C2orf76: variants seen among roughly 807,000 people sequenced by gnomAD.
C2orf76 encodes the protein chromosome 2 open reading frame 76.
A neutral mutation model predicts 16.9 loss-of-function variants in C2orf76; 23 were observed. That is an observed-to-expected ratio of 1.36 (90% CI 0.98 to 1.93). The LOEUF (loss-of-function observed/expected upper bound fraction) is 1.93, where lower values mean the gene tolerates loss of function less well. C2orf76 is among the 30% of genes most tolerant of loss of function. The probability of loss-of-function intolerance (pLI) is 0.00; values close to 1 mark genes in which losing one functional copy is unlikely to be tolerated. For missense variants in C2orf76, 152 were observed against 152.6 expected, an observed-to-expected ratio of 1.00 and a Z score of 0.02; for synonymous variants, 48 against 52.3, an observed-to-expected ratio of 0.92 and a Z score of 0.35.
At chr2:119,325,090 C>T (rs765120646) in intron 2 of C2orf76, among the ~76,000 whole-genome samples, 6 of 152,022 alleles carry the variant, frequency 3.9e-5, no homozygotes, top group Non-Finnish European at 8.8e-5. Flanking sequence ...AATCCCAGCA[C>T]TTTGGGAGTT....
At chr2:119,334,843 T>C (rs754729822) in intron 2 of C2orf76, among the ~76,000 whole-genome samples, 6 of 152,136 alleles carry the variant, frequency 3.9e-5, no homozygotes, top group Non-Finnish European at 8.8e-5. Context: ...CTGACCTAAA[T>C]AACTCTGGCA....
At chr2:119,288,683 A>C in the C2orf76 span, among the ~76,000 whole-genome samples, 1 of 152,008 alleles carries the variant, frequency 6.6e-6, no homozygotes, top group Non-Finnish European at 1.5e-5. Context: ...TCCAACCCCG[A>C]CACTGGCAGA....
chr2:119,311,593 C>T, intron 5 of C2orf76, 29 bp downstream of exon 5: 3 of 1,606,414 alleles, frequency 1.9e-6, no homozygotes, highest in Non-Finnish European at 8.5e-7. Flanking sequence ...AGAGGTCCCC[C>T]TCCAGCAACA....
At chr2:119,330,249 T>C (rs1679631489) in intron 2 of C2orf76, among the ~76,000 whole-genome samples, 1 of 151,712 alleles carries the variant, frequency 6.6e-6, no homozygotes, top group Admixed American at 6.6e-5. Context: ...TGGTGGCACA[T>C]GCCTGTAGTC....
chr2:119,345,062 GAAGAA>G (rs1680155185), intron 1 of C2orf76, among the ~76,000 whole-genome samples: 1 of 152,096 alleles, frequency 6.6e-6, no homozygotes, highest in South Asian at 2.1e-4. Flanking sequence ...AGAGGCACCA[GAAGAA>G]AATAGGTACA....
At chr2:119,317,247 T>C (rs974722304) in intron 4 of C2orf76, among the ~76,000 whole-genome samples, 2 of 152,226 alleles carry the variant, frequency 1.3e-5, no homozygotes, top group Non-Finnish European at 2.9e-5. Context: ...GTATACTTTT[T>C]TTAATTAACA....
chr2:119,338,953 A>T (rs1036138785), intron 2 of C2orf76: 4 of 152,238 alleles, frequency 2.6e-5, no homozygotes, highest in Admixed American at 1.3e-4. Flanking sequence ...ATGAGAAGTC[A>T]ATATGGCAGA....
chr2:119,350,072 C>CCG (rs1356663702), intron 1 of C2orf76, among the ~76,000 whole-genome samples: 1 of 94,090 alleles, frequency 1.1e-5, no homozygotes, highest in Non-Finnish European at 2.4e-5. Context: ...CCACACCGCC[C>CCG]CCCGCCCCCC....
At chr2:119,303,481 G>A (rs186312785) in intron 5 of C2orf76, among the ~76,000 whole-genome samples, 5 of 152,244 alleles carry the variant, frequency 3.3e-5, no homozygotes, top group East Asian at 3.9e-4. Context: ...AAGATTATTC[G>A]TAATGCATAC....
intron 5 of C2orf76, among the ~76,000 whole-genome samples, chr2:119,307,430 C>G (rs139876742): frequency 0.014 from 1,936 of 134,214 alleles, 48 homozygotes; most frequent in African/African-American, 0.06. Context: ...CAGAGAGAGA[C>G]TCTGTCTTAA....
intron 2 of C2orf76, among the ~76,000 whole-genome samples, chr2:119,325,249 CAA>C (rs1232564451): frequency 1.3e-5 from 2 of 152,018 alleles, no homozygotes; most frequent in African/African-American, 4.8e-5. Flanking sequence ...CACCTGAGGT[CAA>C]GAGTTCGAGA....
intron 1 of C2orf76, among the ~76,000 whole-genome samples, chr2:119,358,805 G>A (rs1680653556): frequency 6.6e-6 from 1 of 152,156 alleles, no homozygotes; most frequent in South Asian, 2.1e-4. Flanking sequence ...GAAAGAAGCA[G>A]TCTCCATAAC....
downstream of C2orf76, among the ~76,000 whole-genome samples, chr2:119,297,647 C>A (rs1157481165): frequency 1.3e-5 from 2 of 151,980 alleles, no homozygotes; most frequent in Non-Finnish European, 2.9e-5. Context: ...GCTGGGGCTA[C>A]AGGCATGCAC....
chr2:119,284,555 A>C, the C2orf76 span, among the ~76,000 whole-genome samples: 1 of 151,998 alleles, frequency 6.6e-6, no homozygotes, highest in East Asian at 1.9e-4. Flanking sequence ...ACATTACCAA[A>C]TTACCTCCAC....
chr2:119,289,203 G>A, the C2orf76 span, among the ~76,000 whole-genome samples: 714 of 152,166 alleles, frequency 4.7e-3, 10 homozygotes, highest in Non-Finnish European at 8.1e-3. Flanking sequence ...GGGGCCTTAA[G>A]GCTGCAGAAT....
intron 1 of C2orf76, among the ~76,000 whole-genome samples, chr2:119,362,039 C>T (rs748742216): frequency 2.0e-5 from 3 of 151,972 alleles, no homozygotes; most frequent in East Asian, 1.9e-4. Context: ...TATTTTTTTC[C>T]ACCTCTGCCA....
chr2:119,316,349 A>G (rs1026863519), intron 4 of C2orf76, among the ~76,000 whole-genome samples: 1 of 152,216 alleles, frequency 6.6e-6, no homozygotes, highest in Non-Finnish European at 1.5e-5. Context: ...TGGCATATAC[A>G]ATCCTTGGTA....
At chr2:119,366,976 CA>C, upstream of C2orf76, 2 of 1,596,584 alleles carry the variant, frequency 1.3e-6, no homozygotes, top group Non-Finnish European at 1.7e-6. Flanking sequence ...AGGCGCTTGC[CA>C]GTGCAATCTG....
chr2:119,321,025 A>G (rs1042663895), intron 3 of C2orf76, 129 bp downstream of exon 3: 9 of 484,712 alleles, frequency 1.9e-5, no homozygotes, highest in Non-Finnish European at 3.6e-6. Flanking sequence ...GCATTCCTGT[A>G]TTTCTAAATA....
Sources: gnomAD v4.1 joint callset for allele counts (sites outside exome capture counted in the v4.1 genomes callset) on GRCh38, gnomAD v4.1.1 for gene constraint, MANE v1.5 for transcripts, NCBI Gene and HGNC (gene_info 2026-07-23, HGNC 2026-07-21) for gene names.